The following INPP4B variants were observed in gnomAD, a reference collection of about 807,000 sequenced individuals.
INPP4B encodes the protein inositol polyphosphate 4-phosphatase type II.
INPP4B carries 55 observed loss-of-function variants against 122.5 expected under a neutral mutation model. The ratio of observed to expected loss-of-function variants is 0.45; its 90% CI spans 0.36 to 0.56. The LOEUF (loss-of-function observed/expected upper bound fraction) is 0.56, where lower values mean the gene tolerates loss of function less well. INPP4B is among the 20% of genes least tolerant of loss of function. INPP4B has a pLI of 0.00. For missense variants in INPP4B, 1,000 were observed against 1,097.7 expected (o/e 0.91, Z 1.26); for synonymous variants, 403 against 388.7 (o/e 1.04, Z -0.43).
intron 7 of INPP4B, among the ~76,000 whole-genome samples, chr4:142,367,195 T>A (rs1050159149): frequency 2.9e-5 from 4 of 138,940 alleles, no homozygotes; most frequent in Non-Finnish European, 6.1e-5. Flanking sequence ...AATATGTGTG[T>A]GTGTGTGTGT....
At chr4:142,036,990 T>C (rs749012431) in intron 25 of INPP4B, among the ~76,000 whole-genome samples, 4 of 152,178 alleles carry the variant, frequency 2.6e-5, no homozygotes, top group Non-Finnish European at 5.9e-5. Context: ...ATTAGTAACT[T>C]CCTCACTAGG....
In INPP4B at chr4:142,377,326, TAAA is replaced by T. The variant is rs536209789; in HGVS notation, c.372+25609_372+25611del. On this transcript the variant is annotated intron_variant, in intron 7 of 25. Coordinates refer to ENST00000262992, the MANE Select transcript of INPP4B (RefSeq NM_001101669.3). The stretch of plus-strand genomic sequence containing the variant: ...AGCAAAGTAGGATTGTGAGGAAAGT[TAAA>T]AAAAAAAAAATCCTTATCTGCTGCT... Among the ~76,000 whole-genome samples, 1,223 of 144,222 alleles carry T rather than the reference TAAA, an allele frequency of 8.5e-3. 17 individuals are homozygous for T. Among genetic ancestry groups the T allele is most frequent in the African/African-American group, 0.03 (1,170 of 39,540 alleles). The allele number at this position is 144,222 out of a possible 152,430, so 94.6% of individuals were successfully genotyped here.
At chr4:142,286,190 T>C (rs1323225035) in intron 9 of INPP4B, among the ~76,000 whole-genome samples, 2 of 152,214 alleles carry the variant, frequency 1.3e-5, no homozygotes, top group African/African-American at 2.4e-5. Context: ...ATAAATCAAA[T>C]GTCCTGCATC....
intron 12 of INPP4B, among the ~76,000 whole-genome samples, chr4:142,231,965 C>T (rs184215225): frequency 7.7e-4 from 117 of 152,148 alleles, no homozygotes; most frequent in Admixed American, 1.2e-3. Flanking sequence ...GACAGGCCTG[C>T]TTTTGTCAAT....
At chr4:142,201,755 C>A (rs1272316144) in intron 14 of INPP4B, among the ~76,000 whole-genome samples, 2 of 151,772 alleles carry the variant, frequency 1.3e-5, no homozygotes, top group East Asian at 3.9e-4. Flanking sequence ...GGTAACAATA[C>A]CTATAAGAAA....
chr4:142,819,852 A>G (rs1053777575), intron 1 of INPP4B, among the ~76,000 whole-genome samples: 2 of 152,010 alleles, frequency 1.3e-5, no homozygotes, highest in East Asian at 3.9e-4. Flanking sequence ...CTGGCAATTC[A>G]AAGTATAACG....
At chr4:142,530,954 G>A (rs150792549) in intron 2 of INPP4B, among the ~76,000 whole-genome samples, 2 of 151,974 alleles carry the variant, frequency 1.3e-5, no homozygotes, top group Non-Finnish European at 2.9e-5. Context: ...CAGCCACAAA[G>A]TCATTAACCA....
chr4:142,733,678 G>A (rs1479105110), intron 1 of INPP4B, among the ~76,000 whole-genome samples: 19 of 152,124 alleles, frequency 1.2e-4, no homozygotes, highest in Admixed American at 1.2e-3. Flanking sequence ...GCTGGTAGGG[G>A]TAGAAATTCA....
At chr4:142,625,951 T>A (rs1377221458) in intron 2 of INPP4B, among the ~76,000 whole-genome samples, 1 of 152,258 alleles carries the variant, frequency 6.6e-6, no homozygotes, top group African/African-American at 2.4e-5. Context: ...TGAAATTGGA[T>A]CCCTTCCTTA....
At chr4:142,349,005 A>G (rs138197905) in intron 7 of INPP4B, among the ~76,000 whole-genome samples, 111 of 151,834 alleles carry the variant, frequency 7.3e-4, no homozygotes, top group African/African-American at 2.6e-3. Flanking sequence ...GTATTTTTAC[A>G]CTCCTTTGGA....
At chr4:142,221,742 G>A (rs1485382366) in intron 12 of INPP4B, among the ~76,000 whole-genome samples, 1 of 152,096 alleles carries the variant, frequency 6.6e-6, no homozygotes, top group Admixed American at 6.6e-5. Context: ...AGTATGATAG[G>A]TACTAGCCAC....
chr4:142,647,534 C>T (rs1752045487), intron 2 of INPP4B, among the ~76,000 whole-genome samples: 2 of 152,098 alleles, frequency 1.3e-5, no homozygotes, highest in African/African-American at 4.8e-5. Context: ...TAACGCCTGC[C>T]CAATTGTGTG....
intron 23 of INPP4B, among the ~76,000 whole-genome samples, chr4:142,088,569 T>C (rs1163400518): frequency 1.3e-5 from 2 of 152,176 alleles, no homozygotes; most frequent in African/African-American, 4.8e-5. Context: ...CATATGTATA[T>C]AGGCAGAGTG....
At chr4:142,053,355 T>C (rs1451245253) in intron 25 of INPP4B, among the ~76,000 whole-genome samples, 4 of 151,982 alleles carry the variant, frequency 2.6e-5, no homozygotes, top group African/African-American at 9.7e-5. Flanking sequence ...CAGAAGGCAA[T>C]GAGGAGAGAG....
At chr4:142,351,067 G>C (rs1166226280) in intron 7 of INPP4B, among the ~76,000 whole-genome samples, 1 of 152,010 alleles carries the variant, frequency 6.6e-6, no homozygotes, top group Non-Finnish European at 1.5e-5. Context: ...GCTCCTTCCT[G>C]TAATAGCAGC....
intron 2 of INPP4B, among the ~76,000 whole-genome samples, chr4:142,643,480 A>C (rs1397364605): frequency 6.6e-6 from 1 of 152,194 alleles, no homozygotes; most frequent in Non-Finnish European, 1.5e-5. Flanking sequence ...AGGTGAAAGC[A>C]AGCCTCTAAT....
chr4:142,530,630 GA>G (rs980355334), intron 2 of INPP4B, among the ~76,000 whole-genome samples: 10 of 150,532 alleles, frequency 6.6e-5, no homozygotes, highest in Admixed American at 3.3e-4. Context: ...AATTAAGGCA[GA>G]AAAAAATAAT....
chr4:142,103,485 A>T (rs975746627), intron 23 of INPP4B, among the ~76,000 whole-genome samples: 3 of 152,112 alleles, frequency 2.0e-5, no homozygotes, highest in Admixed American at 6.6e-5. Context: ...ATCTGTGACA[A>T]TGCATAACTA....
At chr4:142,781,420 G>A (rs1416443383) in intron 1 of INPP4B, among the ~76,000 whole-genome samples, 1 of 152,194 alleles carries the variant, frequency 6.6e-6, no homozygotes, top group Non-Finnish European at 1.5e-5. Flanking sequence ...AAAAAGGAGG[G>A]AACAGCTTTC....
Sources: gnomAD v4.1 joint callset for allele counts (sites outside exome capture counted in the v4.1 genomes callset) on GRCh38, gnomAD v4.1.1 for gene constraint, MANE v1.5 for transcripts, NCBI Gene and HGNC (gene_info 2026-07-23, HGNC 2026-07-21) for gene names.